FAM228B: variants seen among roughly 807,000 people sequenced by gnomAD.
FAM228B encodes the protein protein FAM228B.
Under a neutral mutation model 42.6 loss-of-function variants are expected in FAM228B, and 38 were observed. The observed-to-expected ratio is 0.89, with a 90% confidence interval of 0.69 to 1.17. The LOEUF is 1.17. Among genes scored for constraint, FAM228B ranks in the 50% most tolerant of loss-of-function variants. The pLI, the probability that FAM228B is intolerant of heterozygous loss-of-function variation, is 0.00. For synonymous variants in FAM228B, 109 were observed against 122.3 expected (o/e 0.89, Z 0.72); for missense variants, 344 against 367.3 (o/e 0.94, Z 0.52).
At chr2:24,158,683 C>T (rs1023353070) in intron 7 of FAM228B, among the ~76,000 whole-genome samples, 11 of 151,982 alleles carry the variant, frequency 7.2e-5, no homozygotes, top group East Asian at 1.9e-4. Context: ...GTCTCAGTCA[C>T]GATGGTGGCA....
upstream of FAM228B, chr2:24,121,428 GA>G (rs762481430): frequency 1.4e-5 from 12 of 837,262 alleles, no homozygotes; most frequent in Non-Finnish European, 1.8e-5. Flanking sequence ...AATGGTTGGG[GA>G]AAAAAAATCA....
chr2:24,082,117 T>A (rs1048984198), intron 2 of FAM228B, among the ~76,000 whole-genome samples: 18 of 152,154 alleles, frequency 1.2e-4, no homozygotes, highest in Non-Finnish European at 2.1e-4. Flanking sequence ...CAACTCAGCC[T>A]CCTGAGTAAC....
intron 7 of FAM228B, among the ~76,000 whole-genome samples, chr2:24,154,479 G>A (rs1158882063): frequency 6.6e-6 from 1 of 152,144 alleles, no homozygotes; most frequent in East Asian, 1.9e-4. Context: ...CCCTTATCAG[G>A]TATATATTTT....
intron 7 of FAM228B, among the ~76,000 whole-genome samples, chr2:24,156,890 G>A (rs376715771): frequency 6.0e-4 from 91 of 151,388 alleles, no homozygotes; most frequent in South Asian, 2.1e-3. Context: ...CCGGGTTTGG[G>A]TTTGGATGGT....
Position 24,077,537 on chromosome 2 carries a change from A to C in FAM228B, c.-290+568A>C, listed in dbSNP as rs1664803345. 2 of 1,570,446 alleles carry C rather than the reference A, an allele frequency of 1.3e-6. No homozygotes were observed. Among genetic ancestry groups the C allele is most frequent in the Non-Finnish European group, 8.6e-7 (1 of 1,160,208 alleles). ...TGAATCTTCTCCAGGTTTGCTCTGG[A>C]AAGGCCTGGGGTGGCCGCGTCCTGT... On this transcript the variant is annotated intron_variant, in intron 1 of 10. Coordinates refer to the FAM228B transcript ENST00000613899. The surrounding 1 kb of genome is among the most constrained non-coding windows in gnomAD (Gnocchi z 5.5).
rs117198322 is a variant in FAM228B, at chr2:24,113,330, T to C, written c.-121+18101T>C. 1.8e-3 allele frequency among the ~76,000 whole-genome samples: 276 copies of C among 152,312 alleles called. 8 individuals carry two copies. The East Asian group carries it at 0.042, about 23-fold the overall frequency. On this transcript the variant is annotated intron_variant, in intron 3 of 10. Coordinates refer to the FAM228B transcript ENST00000613899. Reference sequence around the variant, plus strand: ...TCTCGCTCTTGTAATCTCAGCACTTTGGGAGGCCGAGGCAGAACGATTGCT... The same window carrying C: ...TCTCGCTCTTGTAATCTCAGCACTTCGGGAGGCCGAGGCAGAACGATTGCT...
At position 24,080,494 on chromosome 2, in the gene FAM228B, C is replaced by T. The variant is rs1239076270; in HGVS notation, c.-289-382C>T. Among the ~76,000 whole-genome samples the T allele has an allele frequency of 6.6e-6, 1 of 152,202 alleles. No homozygotes were observed. The highest frequency in any genetic ancestry group is 1.5e-5 in the Non-Finnish European group (1 of 68,028). On this transcript the variant is annotated intron_variant, in intron 1 of 10. Transcript: ENST00000613899. The surrounding 1 kb of genome is among the most constrained non-coding windows in gnomAD (Gnocchi z 4.7). The stretch of plus-strand genomic sequence containing the variant: ...CTACCATGGCTGGCTCCAAACTGGT[C>T]TCTGCCTCCAAGCCTCCTGTTAACT...
In FAM228B at chr2:24,142,084, C is replaced by T. The variant is rs138355867; in HGVS notation, c.441+2634C>T. Among the ~76,000 whole-genome samples the T allele has an allele frequency of 4.3e-3, 661 of 152,260 alleles. 1 individual carries two copies. The highest frequency in any genetic ancestry group is 0.015 in the African/African-American group (638 of 41,550). ...TAGGCTCTGCAGGCTGGGTTCCTGG[C>T]GCCCTGCTCTGTACTCTTTATGGAC... On this transcript the variant is annotated intron_variant, in intron 5 of 10. Transcript: ENST00000615575.
intron 7 of FAM228B, among the ~76,000 whole-genome samples, chr2:24,156,785 C>T (rs961780016): frequency 9.3e-5 from 11 of 118,800 alleles, no homozygotes; most frequent in Middle Eastern, 6.2e-3. Context: ...CCCCCCCCCC[C>T]CCAGCTTTTT....
In FAM228B at chr2:24,146,833, C is replaced by G; in HGVS notation, c.527C>G (p.Thr176Ser). ...AAAAGAACTCTTCTTCAGTGTGAGA[C>G]TGGTACTTAGTTCCTAATTGTTATG... ...NEKRTLLQCE[T>S]GKIYSIKEFK... Residue 176 changes from threonine (T) to serine (S), a missense_variant and splice_region_variant, in exon 6 of 11, where the codon ACT (threonine) becomes AGT (serine). Physicochemically the swap from Thr to Ser is moderately conservative, Grantham distance 58. Coordinates refer to ENST00000615575, the MANE Select transcript of FAM228B (RefSeq NM_001145710.2). The G allele has an allele frequency of 6.5e-7, 1 of 1,544,732 alleles. No individual in the cohort carries two copies. The highest frequency in any genetic ancestry group is 2.4e-5 in the East Asian group (1 of 40,838).
At chr2:24,136,416 G>T (rs1666590049) in intron 3 of FAM228B, among the ~76,000 whole-genome samples, 1 of 152,194 alleles carries the variant, frequency 6.6e-6, no homozygotes. Flanking sequence ...TAGAGACGTG[G>T]TTTCACCACA....
intron 9 of FAM228B, among the ~76,000 whole-genome samples, chr2:24,164,622 G>T (rs1334516501): frequency 6.7e-6 from 1 of 149,414 alleles, no homozygotes; most frequent in Non-Finnish European, 1.5e-5. Context: ...CCTGGTGGGT[G>T]GGCCACGCTG....
chr2:24,104,675 A>C (rs1665670795), intron 3 of FAM228B, among the ~76,000 whole-genome samples: 1 of 152,196 alleles, frequency 6.6e-6, no homozygotes, highest in Non-Finnish European at 1.5e-5. Flanking sequence ...CTACCCTGCC[A>C]CTGGTAGCCA....
At chr2:24,126,533 A>G (rs925676904) in intron 2 of FAM228B, among the ~76,000 whole-genome samples, 1 of 151,630 alleles carries the variant, frequency 6.6e-6, no homozygotes, top group Admixed American at 6.6e-5. Flanking sequence ...AAAATTGGCA[A>G]TTTTAAGTTG....
chr2:24,153,017 A>G (rs898919843), intron 7 of FAM228B, among the ~76,000 whole-genome samples: 2 of 152,054 alleles, frequency 1.3e-5, no homozygotes, highest in Non-Finnish European at 2.9e-5. Context: ...ACCGATGTTT[A>G]CTTAAAGCCC....
Position 24,080,715 on chromosome 2 carries a change from A to G in FAM228B, c.-289-161A>G. 7.2e-7 allele frequency: 1 copy of G among 1,397,892 alleles called. No individual in the cohort carries two copies. The highest frequency in any genetic ancestry group is 1.0e-6 in the Non-Finnish European group (1 of 998,726). 86.6% of individuals were successfully genotyped at this position (1,397,892 alleles called of 1,614,324 possible). ...TGGCCAGGGCAGCTGTTGTGCACTTAGCAGAGGTAAGACTGATACACAGCA... is the reference window on the plus strand; with the variant it reads ...TGGCCAGGGCAGCTGTTGTGCACTTGGCAGAGGTAAGACTGATACACAGCA... On this transcript the variant is annotated intron_variant, in intron 1 of 10. Coordinates refer to the FAM228B transcript ENST00000613899. This position sits in a 1 kb window ranked among gnomAD's most constrained non-coding sequence, Gnocchi z 4.7.
At chr2:24,110,522 G>A (rs1464927438) in intron 3 of FAM228B, among the ~76,000 whole-genome samples, 1 of 152,124 alleles carries the variant, frequency 6.6e-6, no homozygotes, top group Non-Finnish European at 1.5e-5. Flanking sequence ...CATAACAGAA[G>A]CCCATATAAA....
intron 7 of FAM228B, among the ~76,000 whole-genome samples, chr2:24,154,125 C>T (rs1211072556): frequency 2.8e-5 from 1 of 36,136 alleles, no homozygotes; most frequent in Non-Finnish European, 1.5e-4. Flanking sequence ...TCCTGCTCTC[C>T]TCATGCCTCT....
At chr2:24,109,042 A>G (rs560219568) in intron 3 of FAM228B, among the ~76,000 whole-genome samples, 6 of 152,258 alleles carry the variant, frequency 3.9e-5, no homozygotes, top group Non-Finnish European at 5.9e-5. Context: ...TACAGTAACC[A>G]AAACAGCATG....
Sources: gnomAD v4.1 joint callset for allele counts (sites outside exome capture counted in the v4.1 genomes callset) on GRCh38, gnomAD v4.1.1 for gene constraint, Gnocchi (gnomAD v3.1) non-coding constraint, MANE v1.5 for transcripts, NCBI Gene and HGNC (gene_info 2026-07-23, HGNC 2026-07-21) for gene names.